The following RGS7BP variants were observed in gnomAD, a reference collection of about 807,000 sequenced individuals.
RGS7BP encodes the protein regulator of G protein signaling 7 binding protein, also known as regulator of G protein signaling 7-binding protein.
RGS7BP carries 9 observed loss-of-function variants against 31.3 expected under a neutral mutation model. That is an observed-to-expected ratio of 0.29 (90% CI 0.17 to 0.50). The LOEUF (loss-of-function observed/expected upper bound fraction) is 0.50, where lower values mean the gene tolerates loss of function less well. Among genes scored for constraint, RGS7BP ranks in the 20% least tolerant of loss-of-function variants. RGS7BP has a pLI of 0.98. For synonymous variants in RGS7BP, 115 were observed against 120.1 expected (o/e 0.96, Z 0.28); for missense variants, 274 against 322.0 (o/e 0.85, Z 1.14).
intron 2 of RGS7BP, among the ~76,000 whole-genome samples, chr5:64,535,100 C>A (rs1749472201): frequency 6.6e-6 from 1 of 152,046 alleles, no homozygotes; most frequent in Non-Finnish European, 1.5e-5. Flanking sequence ...GAGAGAGGTT[C>A]TTGGTGACCT....
chr5:64,563,709 C>T (rs1040844062), intron 2 of RGS7BP, among the ~76,000 whole-genome samples: 1 of 152,190 alleles, frequency 6.6e-6, no homozygotes, highest in East Asian at 1.9e-4. Flanking sequence ...GATTAAGCCA[C>T]CTAGTTTGTG....
At chr5:64,571,995 A>G (rs1198511260) in intron 2 of RGS7BP, among the ~76,000 whole-genome samples, 1 of 152,194 alleles carries the variant, frequency 6.6e-6, no homozygotes, top group East Asian at 1.9e-4. Flanking sequence ...TCGCTAACTC[A>G]TAAAACATAT....
At chr5:64,591,625 C>T (rs1479283383) in intron 3 of RGS7BP, among the ~76,000 whole-genome samples, 2 of 151,980 alleles carry the variant, frequency 1.3e-5, no homozygotes, top group Non-Finnish European at 2.9e-5. Context: ...CAGTATTCTG[C>T]CTCAAAGGAT....
At chr5:64,584,338 T>C (rs1354483602) in intron 3 of RGS7BP, among the ~76,000 whole-genome samples, 2 of 152,186 alleles carry the variant, frequency 1.3e-5, no homozygotes, top group African/African-American at 4.8e-5. Flanking sequence ...TTACAAAATA[T>C]GTAAAATGGG....
chr5:64,563,099 C>T (rs1742091842), intron 2 of RGS7BP, among the ~76,000 whole-genome samples: 2 of 151,904 alleles, frequency 1.3e-5, no homozygotes. Flanking sequence ...CATTGGCACA[C>T]CTGTGATTTT....
intron 2 of RGS7BP, among the ~76,000 whole-genome samples, chr5:64,530,766 T>C (rs1368113582): frequency 6.6e-6 from 1 of 152,208 alleles, no homozygotes; most frequent in Non-Finnish European, 1.5e-5. Context: ...TTTTTTCTTT[T>C]TTTTTTGCAA....
chr5:64,536,498 A>T (rs928059963), intron 2 of RGS7BP, among the ~76,000 whole-genome samples: 1 of 152,238 alleles, frequency 6.6e-6, no homozygotes, highest in African/African-American at 2.4e-5. Flanking sequence ...TATAGGATGA[A>T]AATCTTCATC....
intron 2 of RGS7BP, among the ~76,000 whole-genome samples, chr5:64,536,799 T>C (rs575234769): frequency 3.0e-4 from 46 of 152,308 alleles, no homozygotes; most frequent in Non-Finnish European, 5.1e-4. Flanking sequence ...AAACCTGTTT[T>C]TGCCACATTT....
Position 64,507,799 on chromosome 5 carries a change from G to C in RGS7BP, c.254G>C (p.Arg85Pro). Residue 85 changes from arginine to proline, a missense_variant, in exon 2 of 6, where the codon CGG (arginine) becomes CCG (proline). Arg to Pro is a moderately radical substitution (Grantham distance 103, BLOSUM62 -2). Around this residue, in one of 3 missense-constraint regions of RGS7BP, gnomAD observed 149 missense variants for 152.6 expected, o/e 0.98. Transcript: ENST00000334025. ...GDVSVSCPSL[R>P]AEMHKTRTKG... ...GTCTCGGTCAGCTGCCCCTCACTCC[G>C]GGCGGAAATGCACAAGACAAGAACC... The C allele has an allele frequency of 1.9e-6, 3 of 1,613,890 alleles. No homozygotes were observed. The highest frequency in any genetic ancestry group is 2.5e-6 in the Non-Finnish European group (3 of 1,179,946).
chr5:64,598,835 T>C (rs934122237), intron 5 of RGS7BP, among the ~76,000 whole-genome samples: 1 of 152,218 alleles, frequency 6.6e-6, no homozygotes, highest in Non-Finnish European at 1.5e-5. Context: ...CAAAATACTT[T>C]GCATGTATTA....
intron 2 of RGS7BP, among the ~76,000 whole-genome samples, chr5:64,554,515 T>C (rs1246126993): frequency 2.0e-5 from 3 of 152,322 alleles, no homozygotes; most frequent in Admixed American, 6.5e-5. Context: ...AGGGAAAATG[T>C]ACCACCAGCC....
At chr5:64,555,488 T>C (rs1391910837) in intron 2 of RGS7BP, among the ~76,000 whole-genome samples, 5 of 152,160 alleles carry the variant, frequency 3.3e-5, no homozygotes, top group African/African-American at 1.2e-4. Context: ...AAAAATGTTT[T>C]AATGCTTACT....
At chr5:64,577,815 G>A (rs1742477057) in intron 3 of RGS7BP, among the ~76,000 whole-genome samples, 1 of 152,104 alleles carries the variant, frequency 6.6e-6, no homozygotes, top group African/African-American at 2.4e-5. Flanking sequence ...ATTCTTTTTA[G>A]TGACCGAGTA....
intron 2 of RGS7BP, among the ~76,000 whole-genome samples, chr5:64,535,117 G>C (rs935034252): frequency 6.6e-6 from 1 of 152,134 alleles, no homozygotes; most frequent in African/African-American, 2.4e-5. Context: ...ACCTTGACAT[G>C]AGCAGCCAGA....
chr5:64,590,387 C>G lies in RGS7BP; in HGVS notation c.464-4323C>G, dbSNP rs779851862. On this transcript the variant is annotated intron_variant, in intron 3 of 5. Coordinates refer to ENST00000334025, the MANE Select transcript of RGS7BP (RefSeq NM_001029875.3). ...AAAAGAAGAAGATATGTTTGAAATC[C>G]AAGAAAAAGTGGTATACAAAGAAAT... 2.4e-4 allele frequency among the ~76,000 whole-genome samples: 37 copies of G among 151,726 alleles called. 1 individual carries two copies. Among genetic ancestry groups the G allele is most frequent in the Non-Finnish European group, 5.0e-4 (34 of 67,914 alleles).
chr5:64,578,893 C>T (rs558793054), intron 3 of RGS7BP, among the ~76,000 whole-genome samples: 39 of 152,330 alleles, frequency 2.6e-4, no homozygotes, highest in African/African-American at 9.4e-4. Flanking sequence ...TCTTAGTCCT[C>T]ACCCTAGACA....
chr5:64,572,551 C>G (rs1037626844), intron 2 of RGS7BP, among the ~76,000 whole-genome samples: 9 of 152,202 alleles, frequency 5.9e-5, no homozygotes, highest in African/African-American at 1.7e-4. Flanking sequence ...TAGTTCCTTT[C>G]TTTCTCTATA....
intron 3 of RGS7BP, among the ~76,000 whole-genome samples, chr5:64,589,712 C>A (rs549577698): frequency 6.8e-4 from 104 of 152,102 alleles, no homozygotes; most frequent in African/African-American, 2.5e-3. Flanking sequence ...GGTGGGAGAA[C>A]TGCCTGAGGC....
intron 2 of RGS7BP, among the ~76,000 whole-genome samples, chr5:64,523,699 G>T (rs1561321994): frequency 6.6e-6 from 1 of 152,112 alleles, no homozygotes; most frequent in African/African-American, 2.4e-5. Context: ...TGAGAAAAAA[G>T]GAAATATATT....
Sources: allele counts gnomAD v4.1 joint callset (sites outside exome capture counted in the v4.1 genomes callset), GRCh38; gene constraint gnomAD v4.1.1; regional missense constraint gnomAD v4.1.1; transcripts MANE v1.5; gene names NCBI Gene and HGNC (gene_info 2026-07-23, HGNC 2026-07-21).